The following STK32B variants were observed in gnomAD, a reference collection of about 807,000 sequenced individuals.
STK32B encodes serine/threonine-protein kinase 32B.
STK32B carries 43 observed loss-of-function variants against 52.6 expected under a neutral mutation model. The ratio of observed to expected loss-of-function variants is 0.82; its 90% CI spans 0.64 to 1.05. The LOEUF is 1.05. STK32B is among the 50% of genes least tolerant of loss of function. The pLI, the probability that STK32B is intolerant of heterozygous loss-of-function variation, is 0.00. For synonymous variants in STK32B, 238 were observed against 204.3 expected, an observed-to-expected ratio of 1.17 and a Z score of -1.41; for missense variants, 621 against 534.6, an observed-to-expected ratio of 1.16 and a Z score of -1.59.
At chr4:5,059,093 GT>G (rs897495556) in intron 1 of STK32B, among the ~76,000 whole-genome samples, 1 of 95,260 alleles carries the variant, frequency 1.0e-5, no homozygotes, top group African/African-American at 3.9e-5. Context: ...TAGAGCTGAG[GT>G]TTTGGGGTCT....
At chr4:5,457,850 C>T (rs1437065644) in intron 8 of STK32B, among the ~76,000 whole-genome samples, 2 of 130,390 alleles carry the variant, frequency 1.5e-5, no homozygotes, top group African/African-American at 5.6e-5. Context: ...CCAGCCTGGG[C>T]AACAAGAGCA....
At chr4:5,231,627 A>G (rs1289404694) in intron 3 of STK32B, among the ~76,000 whole-genome samples, 6 of 152,058 alleles carry the variant, frequency 3.9e-5, no homozygotes, top group African/African-American at 1.5e-4. Context: ...CAGAAACACA[A>G]AACAAAACAA....
rs546785509 is a variant in STK32B at position 5,150,451 on chromosome 4, G to A, written c.108+10491G>A. Among the ~76,000 whole-genome samples, 3 of 152,070 alleles carry A rather than the reference G, an allele frequency of 2.0e-5. No individual in the cohort carries two copies. In the South Asian group the frequency reaches 6.2e-4, roughly 32 times the overall value. ...GTCTTACATCCTGGACATTGTGGGTGTTATTTTGTAGAAACTTTGAATTCT... is the reference window on the plus strand; with the variant it reads ...GTCTTACATCCTGGACATTGTGGGTATTATTTTGTAGAAACTTTGAATTCT... On this transcript the variant is annotated intron_variant, in intron 2 of 11. Transcript: ENST00000282908.
At chr4:5,341,712 C>T (rs574854110) in intron 4 of STK32B, among the ~76,000 whole-genome samples, 21 of 152,160 alleles carry the variant, frequency 1.4e-4, no homozygotes, top group African/African-American at 2.9e-4. Flanking sequence ...GCGGGCTGCA[C>T]GGGAAGCATG....
intron 1 of STK32B, among the ~76,000 whole-genome samples, chr4:5,057,164 C>T (rs1427436349): frequency 6.6e-6 from 1 of 152,218 alleles, no homozygotes; most frequent in Non-Finnish European, 1.5e-5. Flanking sequence ...GGGCCAATTT[C>T]TTGCATTCCT....
At chr4:5,187,580 A>G (rs1395492004) in intron 3 of STK32B, among the ~76,000 whole-genome samples, 1 of 99,242 alleles carries the variant, frequency 1.0e-5, no homozygotes, top group Non-Finnish European at 1.8e-5. Flanking sequence ...CCAGCTCTCC[A>G]GGATGGGGTG....
chr4:5,358,701 G>A (rs982965245), intron 4 of STK32B, among the ~76,000 whole-genome samples: 1 of 106,736 alleles, frequency 9.4e-6, no homozygotes, highest in African/African-American at 4.1e-5. Context: ...TCACACACAT[G>A]CACACACACA....
In STK32B at chr4:5,490,938, G is replaced by A. The variant is rs541305708; in HGVS notation, c.1107-8007G>A. On this transcript the variant is annotated intron_variant, in intron 11 of 11. Transcript: ENST00000282908. ...TTATGGCTGCATAGTATTCCATGGT[G>A]TATATGTGACACATTTTCTTAATCC... is the stretch of plus-strand genomic sequence containing the variant. 1.7e-3 allele frequency among the ~76,000 whole-genome samples: 253 copies of A among 152,288 alleles called. 1 individual carries two copies. Among genetic ancestry groups the A allele is most frequent in the African/African-American group, 5.8e-3 (241 of 41,562 alleles).
chr4:5,302,471 G>C (rs928424433), intron 3 of STK32B, among the ~76,000 whole-genome samples: 1 of 151,924 alleles, frequency 6.6e-6, no homozygotes, highest in Non-Finnish European at 1.5e-5. Flanking sequence ...AGATCTACAA[G>C]CCTTCTGAAA....
chr4:5,495,200 C>T (rs985849650), intron 11 of STK32B, among the ~76,000 whole-genome samples: 7 of 152,190 alleles, frequency 4.6e-5, no homozygotes, highest in South Asian at 2.1e-4. Flanking sequence ...TTCCCTGTCA[C>T]TTTCAGGTAC....
chr4:5,288,020 AAG>A (rs1326348711), intron 3 of STK32B, among the ~76,000 whole-genome samples: 3 of 152,192 alleles, frequency 2.0e-5, no homozygotes, highest in African/African-American at 7.2e-5. Flanking sequence ...ATAACCTATT[AAG>A]ACTGATTTCT....
At chr4:5,265,155 T>C (rs1189013940) in intron 3 of STK32B, among the ~76,000 whole-genome samples, 1 of 152,232 alleles carries the variant, frequency 6.6e-6, no homozygotes, top group East Asian at 1.9e-4. Flanking sequence ...GTTCCAGTCC[T>C]AAATGTCAGA....
intron 4 of STK32B, among the ~76,000 whole-genome samples, chr4:5,351,187 T>C (rs1453770793): frequency 6.6e-6 from 1 of 151,978 alleles, no homozygotes; most frequent in Non-Finnish European, 1.5e-5. Flanking sequence ...AATACATCAG[T>C]ACATGAAACA....
the STK32B span, among the ~76,000 whole-genome samples, chr4:5,044,323 A>G: frequency 6.6e-6 from 1 of 151,928 alleles, no homozygotes; most frequent in Non-Finnish European, 1.5e-5. Context: ...TGTAATTCCT[A>G]TTGTCAACTT....
At chr4:5,381,221 G>C (rs1735914962) in intron 4 of STK32B, among the ~76,000 whole-genome samples, 1 of 152,138 alleles carries the variant, frequency 6.6e-6, no homozygotes, top group Non-Finnish European at 1.5e-5. Flanking sequence ...CTGTGACCTT[G>C]GGTCCTTTAT....
chr4:5,469,003 T>C lies in STK32B; in HGVS notation c.1106+933T>C, dbSNP rs368277847. ...AGGCAGAGCTTGCAGTGAGCCGAGA[T>C]CGCGCACACTGCACTCCAGCCTGGG... On this transcript the variant is annotated intron_variant, in intron 11 of 11. Transcript: ENST00000282908. This position sits in a 1 kb window ranked among gnomAD's most constrained non-coding sequence, Gnocchi z 4.7. Among the ~76,000 whole-genome samples, 12 of 148,766 alleles carry C rather than the reference T, an allele frequency of 8.1e-5. No homozygotes were observed. Among genetic ancestry groups the C allele is most frequent in the Middle Eastern group, 3.5e-3 (1 of 286 alleles).
intron 4 of STK32B, among the ~76,000 whole-genome samples, chr4:5,331,841 T>A (rs1732270618): frequency 2.0e-5 from 3 of 152,204 alleles, no homozygotes; most frequent in African/African-American, 2.4e-5. Context: ...GGGCTTTGCA[T>A]AAAAGCTCTG....
At chr4:5,251,027 T>G (rs1346649272) in intron 3 of STK32B, among the ~76,000 whole-genome samples, 1 of 152,244 alleles carries the variant, frequency 6.6e-6, no homozygotes, top group Non-Finnish European at 1.5e-5. Context: ...ACTCTGTTGA[T>G]AGTTTCTTTT....
intron 3 of STK32B, among the ~76,000 whole-genome samples, chr4:5,285,077 T>A (rs1728460674): frequency 6.6e-6 from 1 of 152,346 alleles, no homozygotes. Flanking sequence ...GTAAATATAT[T>A]TTCTCTTAAG....
Sources: allele counts gnomAD v4.1 joint callset (sites outside exome capture counted in the v4.1 genomes callset), GRCh38; gene constraint gnomAD v4.1.1; non-coding constraint Gnocchi (gnomAD v3.1); transcripts MANE v1.5; gene names NCBI Gene and HGNC (gene_info 2026-07-23, HGNC 2026-07-21).